The following WNT3 variants were observed in gnomAD, a reference collection of about 807,000 sequenced individuals.
WNT3 encodes Wnt family member 3.
A neutral mutation model predicts 34.2 loss-of-function variants in WNT3; 7 were observed. The observed-to-expected ratio is 0.20, with a 90% CI of 0.12 to 0.38. The LOEUF is 0.38. WNT3 is among the 10% of genes least tolerant of loss of function. WNT3 has a pLI of 1.00. For missense variants in WNT3, 267 were observed against 499.8 expected, an observed-to-expected ratio of 0.53 and a Z score of 4.44; for synonymous variants, 212 against 211.5, an observed-to-expected ratio of 1.00 and a Z score of -0.02.
chr17:46,783,320 G>C (rs2059477764), intron 1 of WNT3, among the ~76,000 whole-genome samples: 1 of 152,234 alleles, frequency 6.6e-6, no homozygotes, highest in Non-Finnish European at 1.5e-5. Context: ...TGTGGAGTCA[G>C]TGGAAGTGCC....
Position 46,810,952 on chromosome 17 carries a change from A to G in WNT3, c.80+7566T>C, listed in dbSNP as rs1313312717. Among the ~76,000 whole-genome samples, 9 of 152,020 alleles carry G rather than the reference A, an allele frequency of 5.9e-5. 1 individual carries two copies. Among genetic ancestry groups the G allele is most frequent in the Non-Finnish European group, 1.3e-4 (9 of 67,998 alleles). On this transcript the variant is annotated intron_variant, in intron 1 of 4. Transcript: ENST00000225512. The stretch of plus-strand genomic sequence containing the variant: ...CTCTCGCCCCAGAGCCCGCTCTGGC[A>G]TCTCCTTCATTCCCTAGATGTATGG...
intron 3 of WNT3, among the ~76,000 whole-genome samples, chr17:46,769,303 G>T (rs1412545195): frequency 7.1e-6 from 1 of 140,994 alleles, no homozygotes. Flanking sequence ...GCGACTGAGC[G>T]AGACTCCGTC....
intron 2 of WNT3, 73 bp from the exon 3 acceptor site, chr17:46,770,121 G>A: frequency 6.8e-7 from 1 of 1,470,648 alleles, no homozygotes; most frequent in South Asian, 1.4e-5. Flanking sequence ...CACCTCCCAG[G>A]CCAGGACGTG....
intron 1 of WNT3, among the ~76,000 whole-genome samples, chr17:46,813,471 G>A (rs759308352): frequency 4.7e-5 from 7 of 149,938 alleles, no homozygotes; most frequent in East Asian, 1.9e-4. Context: ...AACCTTTGGC[G>A]GGGGGTGGGG....
intron 1 of WNT3, among the ~76,000 whole-genome samples, chr17:46,812,105 G>A (rs532404711): frequency 7.2e-5 from 11 of 152,282 alleles, no homozygotes; most frequent in Admixed American, 2.6e-4. Context: ...GAGAAGTCCC[G>A]GGAGATGGGA....
rs971931876 is a variant in WNT3 at position 46,763,210 on chromosome 17, G to A, written c.*1420C>T. 2 of 152,202 alleles carry A rather than the reference G, an allele frequency of 1.3e-5. No homozygotes were observed. Among genetic ancestry groups the A allele is most frequent in the Admixed American group, 6.5e-5 (1 of 15,282 alleles). 9.4% of individuals were successfully genotyped at this position (152,202 alleles called of 1,614,324 possible). A position where few individuals can be genotyped will look rare whatever the true frequency, so the allele number is the denominator to read the frequency against. ...AAATCTTTGTTCTGCTCATTCCCCT[G>A]CTGCATCTCTTCTTTCTGATTCTCC... On this transcript the variant is annotated 3_prime_UTR_variant, in exon 5 of 5. Transcript: ENST00000225512.
At chr17:46,782,067 GCTGCGGCCCAGGGAAAGGCTCCCCTCC>G (rs2059466403) in intron 1 of WNT3, among the ~76,000 whole-genome samples, 1 of 152,242 alleles carries the variant, frequency 6.6e-6, no homozygotes, top group East Asian at 1.9e-4. Context: ...GGACCCAGGG[GCTGCGGCCCAGGGAAAGGCTCCCCTCC>G]TCCCTTCGGT....
intron 1 of WNT3, among the ~76,000 whole-genome samples, chr17:46,789,097 G>A (rs1459871186): frequency 6.6e-6 from 1 of 152,198 alleles, no homozygotes; most frequent in East Asian, 1.9e-4. Flanking sequence ...GCCTTATGCT[G>A]GACGCCGGGA....
At chr17:46,816,749 C>G (rs909126174) in intron 1 of WNT3, among the ~76,000 whole-genome samples, 1 of 152,196 alleles carries the variant, frequency 6.6e-6, no homozygotes, top group African/African-American at 2.4e-5. Flanking sequence ...AGACTGGTCT[C>G]TCTTCCTCAG....
intron 4 of WNT3, among the ~76,000 whole-genome samples, chr17:46,767,921 T>C (rs2059328373): frequency 6.6e-6 from 1 of 152,090 alleles, no homozygotes; most frequent in East Asian, 1.9e-4. Flanking sequence ...CCCAAGCAGC[T>C]GGGATTACAG....
chr17:46,814,657 C>T (rs1164442301), intron 1 of WNT3, among the ~76,000 whole-genome samples: 1 of 152,254 alleles, frequency 6.6e-6, no homozygotes, highest in Non-Finnish European at 1.5e-5. Context: ...GCCAGCCCAG[C>T]CCCAGCGAGC....
chr17:46,816,149 G>A (rs12945523), intron 1 of WNT3, among the ~76,000 whole-genome samples: 46 of 131,170 alleles, frequency 3.5e-4, no homozygotes, highest in Middle Eastern at 4.9e-3. Context: ...ACGCACGCAC[G>A]CACACACACA....
chr17:46,815,608 T>C (rs2084331336), intron 1 of WNT3, among the ~76,000 whole-genome samples: 1 of 151,838 alleles, frequency 6.6e-6, no homozygotes, highest in African/African-American at 2.4e-5. Context: ...CCATCTACCC[T>C]ACAGCCCCAG....
At chr17:46,789,812 C>G (rs541455140) in intron 1 of WNT3, among the ~76,000 whole-genome samples, 2 of 152,352 alleles carry the variant, frequency 1.3e-5, no homozygotes, top group South Asian at 4.1e-4. Flanking sequence ...GTGGCAGATG[C>G]GCACGCAGGA....
At chr17:46,789,588 G>A (rs1213196385) in intron 1 of WNT3, among the ~76,000 whole-genome samples, 1 of 80,454 alleles carries the variant, frequency 1.2e-5, no homozygotes, top group Admixed American at 1.1e-4. Flanking sequence ...GCTTTGAGAG[G>A]TAACCTCTCA....
intron 1 of WNT3, among the ~76,000 whole-genome samples, chr17:46,782,067 G>A (rs1255191671): frequency 1.3e-5 from 2 of 152,242 alleles, no homozygotes; most frequent in African/African-American, 4.8e-5. Context: ...GGACCCAGGG[G>A]CTGCGGCCCA....
chr17:46,767,813 C>T (rs2059327246), intron 4 of WNT3, among the ~76,000 whole-genome samples: 1 of 151,962 alleles, frequency 6.6e-6, no homozygotes, highest in Non-Finnish European at 1.5e-5. Flanking sequence ...GAGATGGAGT[C>T]TCACTCTGTC....
chr17:46,792,890 G>A (rs79545326), intron 1 of WNT3, among the ~76,000 whole-genome samples: 2 of 151,998 alleles, frequency 1.3e-5, no homozygotes, highest in African/African-American at 4.8e-5. Context: ...CCAATTTAAC[G>A]GATGATGACA....
chr17:46,785,677 C>A (rs2059497853), intron 1 of WNT3, among the ~76,000 whole-genome samples: 1 of 152,222 alleles, frequency 6.6e-6, no homozygotes, highest in Non-Finnish European at 1.5e-5. Flanking sequence ...ACCTGAGAGC[C>A]CGGGAGGACC....
Sources: gnomAD v4.1 joint callset for allele counts (sites outside exome capture counted in the v4.1 genomes callset) on GRCh38, gnomAD v4.1.1 for gene constraint, MANE v1.5 for transcripts, NCBI Gene and HGNC (gene_info 2026-07-23, HGNC 2026-07-21) for gene names.